MPV17: variants seen among roughly 807,000 people sequenced by gnomAD.
The protein encoded by MPV17 is mitochondrial inner membrane protein MPV17.
Under a neutral mutation model 28.6 loss-of-function variants are expected in MPV17, and 31 were observed. The ratio of observed to expected loss-of-function variants is 1.08; its 90% CI spans 0.81 to 1.46. The LOEUF is 1.46. Ranked by LOEUF, MPV17 falls within the 40% of genes most tolerant of loss-of-function variation. The pLI is 0.00. For synonymous variants in MPV17, 87 were observed against 85.3 expected (o/e 1.02, Z -0.11); for missense variants, 198 against 216.2 (o/e 0.92, Z 0.53).
chr2:27,312,513 T>C lies in MPV17; in HGVS notation c.356A>G (p.Asn119Ser). The change falls in exon 5 of 8, where the codon AAC (asparagine) becomes AGC (serine). Residue 119 changes from asparagine to serine, a missense_variant. Transcript: ENST00000380044. ...GALNGLSAQD[N>S]WAKLQRDYPD... ...GCTCACCCGCTGTAGTTTGGCCCAGTTGTCCTGGGCTGACAGTCCATTAAG... is the reference window on the plus strand; with the variant it reads ...GCTCACCCGCTGTAGTTTGGCCCAGCTGTCCTGGGCTGACAGTCCATTAAG... 6.2e-7 allele frequency: 1 copy of C among 1,614,138 alleles called. No individual in the cohort carries two copies. The highest frequency in any genetic ancestry group is 1.1e-5 in the South Asian group (1 of 91,088).
At chr2:27,311,512 G>A (rs1360786910) in intron 7 of MPV17, 95 of 1,328,998 alleles carry the variant, frequency 7.1e-5, no homozygotes, top group Non-Finnish European at 9.5e-5. Flanking sequence ...GTGCAGTTCA[G>A]CAACTGTCTT....
At chr2:27,314,953 G>A (rs1679596231) in intron 2 of MPV17, among the ~76,000 whole-genome samples, 1 of 152,222 alleles carries the variant, frequency 6.6e-6, no homozygotes, top group Admixed American at 6.5e-5. Flanking sequence ...GAGAGCTGGG[G>A]TTGGGGATGG....
At position 27,317,389 on chromosome 2, in the gene MPV17, G is replaced by A. The variant is rs935805461; in HGVS notation, c.71-4280C>T. 1.3e-5 allele frequency among the ~76,000 whole-genome samples: 2 copies of A among 152,224 alleles called. No individual in the cohort carries two copies. Among genetic ancestry groups the A allele is most frequent in the African/African-American group, 4.8e-5 (2 of 41,464 alleles). The stretch of plus-strand genomic sequence containing the variant: ...TGAACCCATCCTACTGCTAGAAAAT[G>A]AGACAAAACGGGTAGTTTTGCAGCT... On this transcript the variant is annotated intron_variant, in intron 2 of 7. Transcript: ENST00000380044. The surrounding 1 kb of genome is among the most constrained non-coding windows in gnomAD (Gnocchi z 4.0).
chr2:27,312,408 CCT>C, intron 5 of MPV17, 84 bp downstream of exon 5: 1 of 1,493,728 alleles, frequency 6.7e-7, no homozygotes, highest in Non-Finnish European at 9.3e-7. Flanking sequence ...GCACTTACCC[CCT>C]TTTTTATCCC....
At chr2:27,322,556 C>A (rs761867527) in intron 1 of MPV17, 34 bp from the exon 2 acceptor site, 1 of 1,574,104 alleles carries the variant, frequency 6.4e-7, no homozygotes, top group Admixed American at 1.7e-5. Flanking sequence ...GTCACCCCCA[C>A]CGTCCCTCTC....
Position 27,309,840 on chromosome 2 carries a change from T to C in MPV17, c.*72A>G, listed in dbSNP as rs768630067. 7.6e-7 allele frequency: 1 copy of C among 1,321,186 alleles called. No individual in the cohort carries two copies. The highest frequency in any genetic ancestry group is 2.3e-5 in the East Asian group (1 of 43,496). 81.8% of individuals were successfully genotyped at this position (1,321,186 alleles called of 1,614,324 possible). On this transcript the variant is annotated 3_prime_UTR_variant, in exon 8 of 8. Coordinates refer to ENST00000380044, the MANE Select transcript of MPV17 (RefSeq NM_002437.5). ...CCCGTGGAAACTGGTATGCCCACTT[T>C]GAGGAGGTTGTCTGACCGTTCCAGG...
chr2:27,312,192 C>G (rs1345268763), intron 6 of MPV17, 22 bp downstream of exon 6: 3 of 1,612,458 alleles, frequency 1.9e-6, no homozygotes, highest in South Asian at 1.1e-5. Context: ...GGAGAACAAG[C>G]AGTTGAGGTG....
intron 2 of MPV17, chr2:27,315,903 C>T: frequency 7.0e-7 from 1 of 1,429,484 alleles, no homozygotes; most frequent in Non-Finnish European, 9.1e-7. Context: ...GATGAGATGA[C>T]TTGGTAAGGA....
chr2:27,312,401 C>T, intron 5 of MPV17, 93 bp downstream of exon 5: 1 of 1,478,218 alleles, frequency 6.8e-7, no homozygotes, highest in Non-Finnish European at 9.5e-7. Flanking sequence ...CCTACCTGCA[C>T]TTACCCCCTT....
At chr2:27,311,509 T>G (rs1418598783) in intron 7 of MPV17, 1 of 1,304,634 alleles carries the variant, frequency 7.7e-7, no homozygotes, top group Non-Finnish European at 1.1e-6. Context: ...TGGGTGCAGT[T>G]CAGCAACTGT....
In MPV17 at chr2:27,317,007, A is replaced by G; in HGVS notation, c.71-3898T>C. On this transcript the variant is annotated intron_variant, in intron 2 of 7. Coordinates refer to ENST00000380044, the MANE Select transcript of MPV17 (RefSeq NM_002437.5). The surrounding 1 kb of genome is among the most constrained non-coding windows in gnomAD (Gnocchi z 4.0). ...CCTGCCCACTAGTGGAAAAGCCCCA[A>G]CTTCCACACCCTCTTCCCGGGCATG... 2 of 1,413,888 alleles carry G rather than the reference A, an allele frequency of 1.4e-6. No homozygotes were observed. Among genetic ancestry groups the G allele is most frequent in the South Asian group, 2.8e-5 (2 of 71,028 alleles). The allele number at this position is 1,413,888 out of a possible 1,614,324, so 87.6% of individuals were successfully genotyped here. A position where few individuals can be genotyped will look rare whatever the true frequency, so the allele number is the denominator to read the frequency against.
At chr2:27,312,443 T>C (rs142286079) in intron 5 of MPV17, 51 bp downstream of exon 5, 9 of 1,575,796 alleles carry the variant, frequency 5.7e-6, no homozygotes, top group Non-Finnish European at 7.9e-6. Flanking sequence ...CTTCTTCCCC[T>C]GGGCTGTCAG....
chr2:27,310,018 G>A (rs942896045), intron 7 of MPV17, 37 bp from the exon 8 acceptor site: 2 of 1,521,354 alleles, frequency 1.3e-6, no homozygotes, highest in African/African-American at 2.7e-5. Context: ...GAGGAGGAAG[G>A]CTAAGCAGTG....
chr2:27,315,348 A>G (rs905613148), intron 2 of MPV17, among the ~76,000 whole-genome samples: 3 of 152,182 alleles, frequency 2.0e-5, no homozygotes, highest in African/African-American at 7.2e-5. Context: ...CCAGCCAGGG[A>G]TGAGAGGGAG....
At position 27,322,532 on chromosome 2, in the gene MPV17, CAAGAG is replaced by C. The variant is rs763685586; in HGVS notation, c.-5-15_-5-11del. ...CAGAGTGCCATGCTTCCTGTCAAGCCAAGAGGAGAGGGGGTCACCCCCACCGTCCC... is the reference window on the plus strand; with the variant it reads ...CAGAGTGCCATGCTTCCTGTCAAGCCGAGAGGGGGTCACCCCCACCGTCCC... On this transcript the variant is annotated splice_polypyrimidine_tract_variant and intron_variant, in intron 1 of 7. Transcript: ENST00000380044. The C allele has an allele frequency of 1.2e-5, 20 of 1,613,292 alleles. No homozygotes were observed. The highest frequency in any genetic ancestry group is 1.6e-5 in the Non-Finnish European group (19 of 1,179,650).
At chr2:27,316,276 G>A in intron 2 of MPV17, 1 of 1,463,558 alleles carries the variant, frequency 6.8e-7, no homozygotes, top group Non-Finnish European at 9.3e-7. Flanking sequence ...GGAATGAAAA[G>A]CCAAGTCCCT....
intron 3 of MPV17, 61 bp downstream of exon 3, chr2:27,312,933 G>A: frequency 1.3e-6 from 2 of 1,590,258 alleles, no homozygotes; most frequent in Non-Finnish European, 1.7e-6. Flanking sequence ...GAAGCCAAAG[G>A]ATGGCAAAGA....
chr2:27,310,492 C>T (rs1679390133), intron 7 of MPV17, among the ~76,000 whole-genome samples: 1 of 152,194 alleles, frequency 6.6e-6, no homozygotes, highest in Non-Finnish European at 1.5e-5. Context: ...TGGCTGAGAG[C>T]CTCAAAGGCT....
intron 6 of MPV17, 71 bp from the exon 7 acceptor site, chr2:27,312,022 C>T (rs1037435166): frequency 1.3e-6 from 2 of 1,567,292 alleles, no homozygotes; most frequent in Non-Finnish European, 1.7e-6. Context: ...CTTGCCTGGC[C>T]CTACCCCAAC....
Sources: gnomAD v4.1 joint callset for allele counts (sites outside exome capture counted in the v4.1 genomes callset) on GRCh38, gnomAD v4.1.1 for gene constraint, Gnocchi (gnomAD v3.1) non-coding constraint, MANE v1.5 for transcripts, NCBI Gene and HGNC (gene_info 2026-07-23, HGNC 2026-07-21) for gene names.